PLPP3: variants seen among roughly 807,000 people sequenced by gnomAD.
PLPP3 encodes phospholipid phosphatase 3, also known as PAP2 beta.
In PLPP3, 6 loss-of-function variants were observed where a neutral mutation model predicts 29.6. The ratio of observed to expected loss-of-function variants is 0.20; its 90% CI spans 0.11 to 0.40. The LOEUF (loss-of-function observed/expected upper bound fraction) is 0.40. Ranked by LOEUF, PLPP3 falls within the 10% of genes least tolerant of loss-of-function variation. The probability of loss-of-function intolerance (pLI) is 1.00; values close to 1 mark genes in which losing one functional copy is unlikely to be tolerated. For missense variants in PLPP3, 308 were observed against 407.7 expected (o/e 0.76, Z 2.11); for synonymous variants, 152 against 159.7 (o/e 0.95, Z 0.36).
intron 4 of PLPP3, among the ~76,000 whole-genome samples, chr1:56,514,530 T>C (rs985770729): frequency 1.3e-5 from 2 of 152,068 alleles, no homozygotes; most frequent in Admixed American, 6.6e-5. Flanking sequence ...GGCCAGTCTT[T>C]CCCAAACCAT....
At chr1:56,536,611 C>T (rs1645928649) in intron 2 of PLPP3, among the ~76,000 whole-genome samples, 1 of 152,190 alleles carries the variant, frequency 6.6e-6, no homozygotes, top group Non-Finnish European at 1.5e-5. Flanking sequence ...AGCTAACTGC[C>T]TATCCCCTTG....
At chr1:56,525,136 G>A (rs567981535) in intron 2 of PLPP3, among the ~76,000 whole-genome samples, 1 of 152,310 alleles carries the variant, frequency 6.6e-6, no homozygotes, top group South Asian at 2.1e-4. Context: ...CATCCTCCAA[G>A]CTTTGGCCTT....
chr1:56,498,385 C>T (rs575603215), intron 5 of PLPP3, among the ~76,000 whole-genome samples: 3 of 152,180 alleles, frequency 2.0e-5, no homozygotes, highest in African/African-American at 7.2e-5. Context: ...AGGAAACAGA[C>T]TCGATTAAAG....
At chr1:56,513,984 G>A (rs1645764006) in intron 4 of PLPP3, among the ~76,000 whole-genome samples, 1 of 151,300 alleles carries the variant, frequency 6.6e-6, no homozygotes. Flanking sequence ...AAGATGTGGG[G>A]AAAAAATTAT....
At chr1:56,552,740 A>G (rs1646049401) in intron 1 of PLPP3, among the ~76,000 whole-genome samples, 2 of 152,200 alleles carry the variant, frequency 1.3e-5, no homozygotes, top group South Asian at 4.1e-4. Context: ...AAGAAACAGG[A>G]TGATTTCAGA....
intron 1 of PLPP3, among the ~76,000 whole-genome samples, chr1:56,569,053 C>T (rs1006496883): frequency 1.3e-5 from 2 of 152,180 alleles, no homozygotes; most frequent in Non-Finnish European, 2.9e-5. Flanking sequence ...CCAGTCATCT[C>T]TCCCAAACCC....
intron 2 of PLPP3, 92 bp downstream of exon 2, chr1:56,536,863 G>T: frequency 1.3e-6 from 2 of 1,493,378 alleles, no homozygotes; most frequent in Non-Finnish European, 1.8e-6. Flanking sequence ...GCTTCTACTT[G>T]GTATAAGTCT....
chr1:56,563,092 C>T (rs1172518884), intron 1 of PLPP3, among the ~76,000 whole-genome samples: 4 of 152,204 alleles, frequency 2.6e-5, no homozygotes, highest in Non-Finnish European at 5.9e-5. Context: ...CTCTTGCCAG[C>T]TGCTTTCCTG....
At chr1:56,573,638 C>G (rs1270085231) in intron 1 of PLPP3, among the ~76,000 whole-genome samples, 1 of 152,122 alleles carries the variant, frequency 6.6e-6, no homozygotes, top group Non-Finnish European at 1.5e-5. Context: ...TATTTCATAC[C>G]AGATAGGCCC....
chr1:56,578,815 G>A, intron 1 of PLPP3, 63 bp downstream of exon 1: 1 of 1,459,866 alleles, frequency 6.8e-7, no homozygotes. Context: ...CCCCGGACTG[G>A]GCTGGGACGC....
At chr1:56,532,516 A>G (rs1292334934) in intron 2 of PLPP3, among the ~76,000 whole-genome samples, 3 of 152,122 alleles carry the variant, frequency 2.0e-5, no homozygotes, top group African/African-American at 7.2e-5. Flanking sequence ...ATGTGGGCAA[A>G]GTGAAGCATG....
At position 56,524,700 on chromosome 1, in the gene PLPP3, A is replaced by C. The variant is rs1645841971; in HGVS notation, c.298-146T>G. On this transcript the variant is annotated intron_variant, in intron 2 of 5. Transcript: ENST00000371250. This position sits in a 1 kb window ranked among gnomAD's most constrained non-coding sequence, Gnocchi z 4.3. ...TCTATTTATGAAATATACAGACACAAATATGCACAGAAGAAAAGATCAAAG... is the reference window on the plus strand; with the variant it reads ...TCTATTTATGAAATATACAGACACACATATGCACAGAAGAAAAGATCAAAG... 3.0e-6 allele frequency: 3 copies of C among 1,013,804 alleles called. No individual in the cohort carries two copies. 62.8% of individuals were successfully genotyped at this position (1,013,804 alleles called of 1,614,324 possible).
intron 1 of PLPP3, among the ~76,000 whole-genome samples, chr1:56,578,466 ACT>A (rs908152891): frequency 6.6e-6 from 1 of 151,630 alleles, no homozygotes; most frequent in African/African-American, 2.4e-5. Context: ...CAGGAGCCCG[ACT>A]CTCGGGGCGA....
chr1:56,504,974 A>G (rs981340456), intron 5 of PLPP3, among the ~76,000 whole-genome samples: 1 of 152,224 alleles, frequency 6.6e-6, no homozygotes, highest in Non-Finnish European at 1.5e-5. Context: ...AGGTTAATAG[A>G]AAATATCAGA....
intron 1 of PLPP3, among the ~76,000 whole-genome samples, chr1:56,567,877 A>G (rs1035216332): frequency 6.6e-6 from 1 of 152,204 alleles, no homozygotes; most frequent in African/African-American, 2.4e-5. Flanking sequence ...ATGGCCAAAA[A>G]GTGGAAATCA....
At chr1:56,546,781 C>G (rs987998532) in intron 1 of PLPP3, among the ~76,000 whole-genome samples, 1 of 152,224 alleles carries the variant, frequency 6.6e-6, no homozygotes, top group African/African-American at 2.4e-5. Flanking sequence ...GAACATCTAC[C>G]TTACTGGCCA....
At chr1:56,551,351 T>C (rs1334755636) in intron 1 of PLPP3, among the ~76,000 whole-genome samples, 1 of 136,120 alleles carries the variant, frequency 7.3e-6, no homozygotes, top group Non-Finnish European at 1.6e-5. Context: ...CAGACCTAGA[T>C]ACAAGTCCCT....
intron 5 of PLPP3, among the ~76,000 whole-genome samples, chr1:56,500,437 AAGG>A (rs1382516888): frequency 6.6e-6 from 1 of 152,192 alleles, no homozygotes; most frequent in Non-Finnish European, 1.5e-5. Flanking sequence ...TTTGAAGGAT[AAGG>A]AGGAGTTAAC....
At chr1:56,560,664 C>G (rs902231593) in intron 1 of PLPP3, among the ~76,000 whole-genome samples, 1 of 152,102 alleles carries the variant, frequency 6.6e-6, no homozygotes, top group Non-Finnish European at 1.5e-5. Context: ...AAAGCCCCCC[C>G]ACCTTCCATC....
Sources: gnomAD v4.1 joint callset for allele counts (sites outside exome capture counted in the v4.1 genomes callset) on GRCh38, gnomAD v4.1.1 for gene constraint, Gnocchi (gnomAD v3.1) non-coding constraint, MANE v1.5 for transcripts, NCBI Gene and HGNC (gene_info 2026-07-23, HGNC 2026-07-21) for gene names.